Variants in HKDC1 observed in about 807,000 individuals in gnomAD.
HKDC1 encodes the protein hexokinase domain containing 1.
A neutral mutation model predicts 96.6 loss-of-function variants in HKDC1; 66 were observed. That is an observed-to-expected ratio of 0.68 (90% CI 0.56 to 0.84). The LOEUF (loss-of-function observed/expected upper bound fraction) is 0.84. Ranked by LOEUF, HKDC1 falls within the 40% of genes least tolerant of loss-of-function variation. HKDC1 has a pLI of 0.00. For missense variants in HKDC1, 1,211 were observed against 1,208.1 expected, an observed-to-expected ratio of 1.00 and a Z score of -0.04; for synonymous variants, 466 against 473.1, an observed-to-expected ratio of 0.98 and a Z score of 0.20.
In HKDC1 at chr10:69,255,121, GC is replaced by G. The variant is rs1195785407; in HGVS notation, c.1837-1913del. ...TACTGCTCCTGACTCAGGACACTGG[GC>G]CTTTGGGCCTCTCTCCCAGCAGCTC... On this transcript the variant is annotated intron_variant, in intron 12 of 17. Coordinates refer to ENST00000354624, the MANE Select transcript of HKDC1 (RefSeq NM_025130.4). 2.6e-5 allele frequency among the ~76,000 whole-genome samples: 4 copies of G among 152,248 alleles called. No homozygotes were observed. In the South Asian group the frequency reaches 6.2e-4, roughly 24 times the overall value.
chr10:69,245,272 T>G (rs1843522088), intron 7 of HKDC1, among the ~76,000 whole-genome samples: 1 of 152,152 alleles, frequency 6.6e-6, no homozygotes, highest in Non-Finnish European at 1.5e-5. Context: ...TTTTGTGTCT[T>G]ATTGTGTTTG....
At chr10:69,237,360 TA>T (rs1257483800) in intron 4 of HKDC1, among the ~76,000 whole-genome samples, 1 of 151,296 alleles carries the variant, frequency 6.6e-6, no homozygotes, top group African/African-American at 2.4e-5. Flanking sequence ...TTTCAAGGTT[TA>T]AAAAAAGAGA....
chr10:69,238,784 A>G (rs986613733), intron 4 of HKDC1, among the ~76,000 whole-genome samples: 1 of 152,228 alleles, frequency 6.6e-6, no homozygotes, highest in Non-Finnish European at 1.5e-5. Flanking sequence ...GACTTGTCTA[A>G]TGTCTCATGA....
chr10:69,256,111 C>A (rs144985635), intron 12 of HKDC1, among the ~76,000 whole-genome samples: 1 of 151,980 alleles, frequency 6.6e-6, no homozygotes. Flanking sequence ...TCTCCAAGTG[C>A]GAGTGTATAT....
intron 12 of HKDC1, among the ~76,000 whole-genome samples, chr10:69,256,797 T>C (rs1359641815): frequency 6.6e-6 from 1 of 152,170 alleles, no homozygotes; most frequent in Non-Finnish European, 1.5e-5. Context: ...GGAACATGAT[T>C]TGACCCTTGA....
At chr10:69,260,671 T>C (rs751457543) in intron 15 of HKDC1, among the ~76,000 whole-genome samples, 1 of 152,190 alleles carries the variant, frequency 6.6e-6, no homozygotes, top group Non-Finnish European at 1.5e-5. Flanking sequence ...TCACACACCC[T>C]GTGCAGAGTG....
At chr10:69,250,913 G>A (rs1187165023) in intron 12 of HKDC1, among the ~76,000 whole-genome samples, 4 of 152,076 alleles carry the variant, frequency 2.6e-5, no homozygotes, top group South Asian at 4.1e-4. Flanking sequence ...AAGAGAGGTC[G>A]AATCATATTA....
At chr10:69,261,088 G>C in intron 15 of HKDC1, 51 bp from the exon 16 acceptor site, 1 of 1,552,286 alleles carries the variant, frequency 6.4e-7, no homozygotes, top group Non-Finnish European at 8.9e-7. Flanking sequence ...CACATCATGT[G>C]GTCTTCTGCA....
intron 10 of HKDC1, among the ~76,000 whole-genome samples, chr10:69,249,348 C>A (rs1190725209): frequency 6.6e-6 from 1 of 152,184 alleles, no homozygotes; most frequent in Non-Finnish European, 1.5e-5. Context: ...TCCTCACAAC[C>A]ACTTGGAACG....
At chr10:69,229,125 G>T (rs993107368) in intron 2 of HKDC1, among the ~76,000 whole-genome samples, 3 of 152,234 alleles carry the variant, frequency 2.0e-5, no homozygotes, top group African/African-American at 7.2e-5. Context: ...AGGACCAAGG[G>T]GTTTCTCCCA....
chr10:69,230,894 A>G (rs1843247651), intron 2 of HKDC1, among the ~76,000 whole-genome samples: 1 of 152,172 alleles, frequency 6.6e-6, no homozygotes, highest in South Asian at 2.1e-4. Context: ...TGCTGGGACC[A>G]CAGGTGTGAG....
chr10:69,255,268 T>C (rs1436906422), intron 12 of HKDC1, among the ~76,000 whole-genome samples: 1 of 152,260 alleles, frequency 6.6e-6, no homozygotes, highest in African/African-American at 2.4e-5. Flanking sequence ...TTTTGTGTAA[T>C]TGCAATCAGT....
chr10:69,250,712 C>T (rs1843628726), intron 12 of HKDC1, 60 bp downstream of exon 12: 2 of 1,591,312 alleles, frequency 1.3e-6, no homozygotes, highest in East Asian at 2.2e-5. Context: ...CTTCTGGGAC[C>T]ATCTCCAGGT....
At chr10:69,235,977 C>A (rs75312013) in intron 4 of HKDC1, among the ~76,000 whole-genome samples, 2,227 of 152,222 alleles carry the variant, frequency 0.015, 75 homozygotes, top group East Asian at 0.14. Flanking sequence ...TGCAGCTCAG[C>A]GAGGTTAAGA....
At chr10:69,220,801 G>C (rs1168041725) in intron 1 of HKDC1, among the ~76,000 whole-genome samples, 1 of 152,184 alleles carries the variant, frequency 6.6e-6, no homozygotes, top group Non-Finnish European at 1.5e-5. Flanking sequence ...AGGGATGTTT[G>C]CTCGGAAAGG....
intron 16 of HKDC1, among the ~76,000 whole-genome samples, chr10:69,264,867 C>A (rs962338317): frequency 6.6e-6 from 1 of 152,274 alleles, no homozygotes; most frequent in South Asian, 2.1e-4. Flanking sequence ...GTTTAAGTAC[C>A]ATTAGTTCAC....
chr10:69,265,402 CA>C (rs1843879297), intron 16 of HKDC1, 182 bp from the exon 17 acceptor site: 1 of 614,094 alleles, frequency 1.6e-6, no homozygotes, highest in Non-Finnish European at 2.9e-6. Context: ...ATGGAACTTC[CA>C]GGGGTGGTGG....
rs746421239 is a variant in HKDC1 at position 69,243,358 on chromosome 10, A to G, written c.868A>G (p.Lys290Glu). ...ELDLGSLNPG[K>E]QLFEKMISGL... Reference sequence around the variant, plus strand: ...GGACCTCGGCTCTCTCAACCCAGGAAAGCAACTGTGAGTTCCCTTCTGGTG... The same window carrying G: ...GGACCTCGGCTCTCTCAACCCAGGAGAGCAACTGTGAGTTCCCTTCTGGTG... The change falls in exon 7 of 18, where the codon AAG (lysine) becomes GAG (glutamate). Residue 290 changes from lysine to glutamate, a missense_variant. By Grantham distance (56) the Lys-to-Glu change is moderately conservative. Coordinates refer to ENST00000354624, the MANE Select transcript of HKDC1 (RefSeq NM_025130.4). The G allele has an allele frequency of 3.3e-5, 52 of 1,581,232 alleles. No homozygotes were observed. Among genetic ancestry groups the G allele is most frequent in the Non-Finnish European group, 4.4e-5 (51 of 1,163,268 alleles).
At chr10:69,258,754 G>C in intron 14 of HKDC1, 22 bp from the exon 15 acceptor site, 3 of 1,613,330 alleles carry the variant, frequency 1.9e-6, no homozygotes, top group Non-Finnish European at 2.5e-6. Flanking sequence ...GAAGACTAAG[G>C]TTCCTTCACA....
Sources: allele counts gnomAD v4.1 joint callset (sites outside exome capture counted in the v4.1 genomes callset), GRCh38; gene constraint gnomAD v4.1.1; transcripts MANE v1.5; gene names NCBI Gene and HGNC (gene_info 2026-07-23, HGNC 2026-07-21).